CAMK2D: variants seen among roughly 807,000 people sequenced by gnomAD.
CAMK2D encodes the protein calcium/calmodulin-dependent protein kinase type II subunit delta.
In CAMK2D, 37 loss-of-function variants were observed where a neutral mutation model predicts 84.0. The observed-to-expected ratio is 0.44, with a 90% CI of 0.34 to 0.58. The LOEUF is 0.58. Ranked by LOEUF, CAMK2D falls within the 20% of genes least tolerant of loss-of-function variation. The pLI, the probability that CAMK2D is intolerant of heterozygous loss-of-function variation, is 0.02. For missense variants in CAMK2D, 448 were observed against 652.5 expected, an observed-to-expected ratio of 0.69 and a Z score of 3.41; for synonymous variants, 202 against 212.5, an observed-to-expected ratio of 0.95 and a Z score of 0.43.
chr4:113,510,481 C>G (rs2098196534), intron 12 of CAMK2D, among the ~76,000 whole-genome samples: 2 of 152,092 alleles, frequency 1.3e-5, no homozygotes, highest in African/African-American at 2.4e-5. Context: ...GAGCTTTTAA[C>G]ATTCCTTCTG....
intron 2 of CAMK2D, chr4:113,759,116 G>T (rs1212050610): frequency 1.5e-5 from 5 of 333,218 alleles, no homozygotes; most frequent in Non-Finnish European, 2.7e-5. Context: ...TAATAGCAAT[G>T]TATCAAATAA....
At chr4:113,523,002 T>C (rs2098381486) in intron 8 of CAMK2D, among the ~76,000 whole-genome samples, 1 of 152,126 alleles carries the variant, frequency 6.6e-6, no homozygotes, top group South Asian at 2.1e-4. Flanking sequence ...AGCACCCTTT[T>C]AAGAAGACGG....
chr4:113,661,309 C>T (rs763520618), intron 3 of CAMK2D, among the ~76,000 whole-genome samples: 2 of 152,120 alleles, frequency 1.3e-5, no homozygotes, highest in African/African-American at 2.4e-5. Flanking sequence ...ACAGAAAGGA[C>T]ATTGAACTCA....
intron 2 of CAMK2D, among the ~76,000 whole-genome samples, chr4:113,749,260 G>GC (rs936768596): frequency 9.6e-4 from 57 of 59,536 alleles, no homozygotes; most frequent in Non-Finnish European, 9.3e-4. Flanking sequence ...TTGGAACCCC[G>GC]CCCCCCCCAC....
At chr4:113,503,422 G>T in intron 14 of CAMK2D, 1 of 373,028 alleles carries the variant, frequency 2.7e-6, no homozygotes, top group Non-Finnish European at 5.3e-6. Flanking sequence ...TTTGAAACTC[G>T]ATTATGGTGT....
At position 113,540,462 on chromosome 4, in the gene CAMK2D, T is replaced by C. The variant is rs540515205; in HGVS notation, c.415-3019A>G. Among the ~76,000 whole-genome samples the C allele has an allele frequency of 6.3e-4, 96 of 152,274 alleles. 2 individuals carry two copies. The South Asian group carries it at 0.02, about 31-fold the overall frequency. On this transcript the variant is annotated intron_variant, in intron 6 of 20. Coordinates refer to ENST00000511664, the MANE Select transcript of CAMK2D (RefSeq NM_001321571.2). ...AGCTAGCTGACTATGGACCACAGCA[T>C]TGTAAGAGAAACAGGCAGGGTGATG...
intron 2 of CAMK2D, among the ~76,000 whole-genome samples, chr4:113,757,665 G>A (rs993921963): frequency 2.0e-5 from 3 of 152,134 alleles, no homozygotes; most frequent in African/African-American, 7.2e-5. Flanking sequence ...ACATCCAGAA[G>A]CGGTAAAAAG....
At chr4:113,545,466 G>C (rs555140153) in intron 6 of CAMK2D, among the ~76,000 whole-genome samples, 14 of 152,204 alleles carry the variant, frequency 9.2e-5, no homozygotes, top group South Asian at 2.1e-4. Context: ...TTTGTTTAAG[G>C]CCTGGTAATA....
At chr4:113,458,834 T>A (rs2097336341) in intron 18 of CAMK2D, among the ~76,000 whole-genome samples, 1 of 152,230 alleles carries the variant, frequency 6.6e-6, no homozygotes, top group Non-Finnish European at 1.5e-5. Context: ...ATCATTCCTA[T>A]AATACATTTC....
rs770555855 is a variant in CAMK2D, at chr4:113,465,520, G to A, written c.1211+9C>T. On this transcript the variant is annotated intron_variant, in intron 17 of 20. Coordinates refer to ENST00000511664, the MANE Select transcript of CAMK2D (RefSeq NM_001321571.2). ...ATGCATGAAAGCAAAGTAAACGTCC[G>A]CTACTCACGTGTAGGCTTCAAAGTC... 7.0e-6 allele frequency: 11 copies of A among 1,561,300 alleles called. No homozygotes were observed. In the South Asian group the frequency reaches 8.0e-5, roughly 11 times the overall value.
intron 2 of CAMK2D, among the ~76,000 whole-genome samples, chr4:113,674,278 T>A (rs1167871518): frequency 6.6e-6 from 1 of 152,206 alleles, no homozygotes; most frequent in African/African-American, 2.4e-5. Flanking sequence ...AAATGCAGAA[T>A]AAAATTCCCC....
At chr4:113,565,399 C>T (rs953255888) in intron 4 of CAMK2D, among the ~76,000 whole-genome samples, 1 of 152,106 alleles carries the variant, frequency 6.6e-6, no homozygotes, top group Admixed American at 6.5e-5. Flanking sequence ...GCCTGTAATC[C>T]CAGCACTTTG....
rs372626731 is a variant in CAMK2D, at chr4:113,513,815, T to C, written c.903+15A>G. 1.2e-5 allele frequency: 15 copies of C among 1,286,788 alleles called. No individual in the cohort carries two copies. In the Admixed American group the frequency reaches 1.4e-4, roughly 12 times the overall value. The allele number at this position is 1,286,788 out of a possible 1,614,324, so 79.7% of individuals were successfully genotyped here. On this transcript the variant is annotated intron_variant, in intron 11 of 20. Coordinates refer to ENST00000511664, the MANE Select transcript of CAMK2D (RefSeq NM_001321571.2). ...TGTCAAATCTACCTCCCCATAAAAA[T>C]GTAAAATTTCTTACCTTTAGTTTTC...
At chr4:113,704,055 T>C (rs1001314969) in intron 2 of CAMK2D, among the ~76,000 whole-genome samples, 1 of 151,946 alleles carries the variant, frequency 6.6e-6, no homozygotes, top group African/African-American at 2.4e-5. Context: ...GAAAACATAA[T>C]TGATATAAAG....
chr4:113,656,898 C>T (rs1382972526), intron 3 of CAMK2D, among the ~76,000 whole-genome samples: 1 of 152,144 alleles, frequency 6.6e-6, no homozygotes, highest in African/African-American at 2.4e-5. Context: ...TGGACAATGT[C>T]CCTAACCTTC....
At position 113,505,042 on chromosome 4, in the gene CAMK2D, G is replaced by T; in HGVS notation, c.985-7C>A. The T allele has an allele frequency of 1.9e-6, 3 of 1,561,606 alleles. No homozygotes were observed. Among genetic ancestry groups the T allele is most frequent in the Non-Finnish European group, 2.6e-6 (3 of 1,158,682 alleles). On this transcript the variant is annotated splice_region_variant and splice_polypyrimidine_tract_variant and intron_variant, in intron 13 of 20. Coordinates refer to ENST00000511664, the MANE Select transcript of CAMK2D (RefSeq NM_001321571.2). The stretch of plus-strand genomic sequence containing the variant: ...CGTTGGCTTTGTTGTTTATCTGTGG[G>T]TATGCAGAAAATAGAAACAGAGATG...
Position 113,611,047 on chromosome 4 carries a change from AACACACACAC to A in CAMK2D, c.221-1851_221-1842del, listed in dbSNP as rs141563975. Among the ~76,000 whole-genome samples, 21 of 148,730 alleles carry A rather than the reference AACACACACAC, an allele frequency of 1.4e-4. 1 individual carries two copies. The East Asian group carries it at 3.0e-3, about 21-fold the overall frequency. ...CTATATATATGTTATATATACACATAACACACACACACACACACACACACACACACAATGT... is the reference window on the plus strand; with the variant it reads ...CTATATATATGTTATATATACACATAACACACACACACACACACACAATGT... On this transcript the variant is annotated intron_variant, in intron 3 of 20. Coordinates refer to ENST00000511664, the MANE Select transcript of CAMK2D (RefSeq NM_001321571.2).
intron 2 of CAMK2D, among the ~76,000 whole-genome samples, chr4:113,742,801 T>A (rs2099596011): frequency 6.6e-6 from 1 of 152,178 alleles, no homozygotes; most frequent in Non-Finnish European, 1.5e-5. Context: ...CATATTCAAC[T>A]TTGGTAATAT....
intron 9 of CAMK2D, among the ~76,000 whole-genome samples, chr4:113,515,961 A>G (rs916569322): frequency 7.2e-5 from 11 of 152,184 alleles, no homozygotes; most frequent in African/African-American, 2.7e-4. Context: ...TTACTTTTAT[A>G]TGATTAGCAT....
Sources: gnomAD v4.1 joint callset for allele counts (sites outside exome capture counted in the v4.1 genomes callset) on GRCh38, gnomAD v4.1.1 for gene constraint, MANE v1.5 for transcripts, NCBI Gene and HGNC (gene_info 2026-07-23, HGNC 2026-07-21) for gene names.